FBLN2: variants seen among roughly 807,000 people sequenced by gnomAD.
The protein encoded by FBLN2 is fibulin-2.
In FBLN2, 81 loss-of-function variants were observed where a neutral mutation model predicts 123.7. The ratio of observed to expected loss-of-function variants is 0.65; its 90% confidence interval spans 0.55 to 0.79. FBLN2 has a LOEUF of 0.79. FBLN2 is among the 30% of genes least tolerant of loss of function. The pLI is 0.00. For synonymous variants in FBLN2, 699 were observed against 701.4 expected (o/e 1.00, Z 0.05); for missense variants, 1,603 against 1,681.3 (o/e 0.95, Z 0.81).
chr3:13,567,586 G>T (rs1000084640), intron 1 of FBLN2, among the ~76,000 whole-genome samples: 1 of 152,292 alleles, frequency 6.6e-6, no homozygotes, highest in African/African-American at 2.4e-5. Context: ...TCGAACTCCT[G>T]ACCTCAAGTG....
At chr3:13,563,862 G>C (rs996668165) in intron 1 of FBLN2, among the ~76,000 whole-genome samples, 4 of 152,166 alleles carry the variant, frequency 2.6e-5, no homozygotes, top group African/African-American at 9.7e-5. Context: ...CCCTGGGGCG[G>C]GGTGGTTGGA....
At position 13,576,720 on chromosome 3, in the gene FBLN2, T is replaced by TCCCC. The variant is rs111724365; in HGVS notation, c.1306+5067_1306+5070dup. On this transcript the variant is annotated intron_variant, in intron 2 of 17. Transcript: ENST00000404922. ...CTGAGAGAAGGGGTGGTCAGGGGGA[T>TCCCC]CCCCCCCCCCCGGGTTCACTCATTT... 1.9e-4 allele frequency among the ~76,000 whole-genome samples: 26 copies of TCCCC among 135,940 alleles called. 1 individual carries two copies. The highest frequency in any genetic ancestry group is 7.2e-4 in the African/African-American group (26 of 36,128). 89.2% of individuals were successfully genotyped at this position (135,940 alleles called of 152,430 possible).
chr3:13,551,259 G>A (rs1005997386), intron 1 of FBLN2, among the ~76,000 whole-genome samples: 5 of 152,192 alleles, frequency 3.3e-5, no homozygotes, highest in Admixed American at 2.6e-4. Context: ...GGCCTTAGTC[G>A]TTGAAGCAAT....
In FBLN2 at chr3:13,570,650, T is replaced by C. The variant is rs1246647699; in HGVS notation, c.295T>C (p.Ser99Pro). The C allele has an allele frequency of 6.3e-7, 1 of 1,584,184 alleles. No individual in the cohort carries two copies. Among genetic ancestry groups the C allele is most frequent in the African/African-American group, 1.3e-5 (1 of 74,366 alleles). ...TGTGGACTTCGGGAGCACTGAGTGC[T>C]CCTGCCCACCAGGCGGCGGCAAGAT... ...YFVDFGSTEC[S>P]CPPGGGKISC... Residue 99 changes from serine (S) to proline (P), a missense_variant, in exon 2 of 18, where the codon TCC becomes CCC. Ser to Pro is a moderately conservative substitution (Grantham distance 74). Transcript: ENST00000404922.
chr3:13,575,664 G>A (rs2124832236), intron 2 of FBLN2, among the ~76,000 whole-genome samples: 3 of 152,298 alleles, frequency 2.0e-5, no homozygotes, highest in Middle Eastern at 6.8e-3. Flanking sequence ...AGACCACAGA[G>A]AGGCCTCGGG....
chr3:13,579,163 T>A (rs1020860956), intron 2 of FBLN2, among the ~76,000 whole-genome samples: 1 of 152,232 alleles, frequency 6.6e-6, no homozygotes, highest in Non-Finnish European at 1.5e-5. Flanking sequence ...CCAGTTGTTA[T>A]AGCCATCCTA....
chr3:13,626,452 C>T lies in FBLN2; in HGVS notation c.2304C>T (p.Asn768=), dbSNP rs532612379. Residue 768 remains asparagine, a synonymous_variant, in exon 10 of 18, where the codon AAC becomes AAT. Coordinates refer to ENST00000404922, the MANE Select transcript of FBLN2 (RefSeq NM_001004019.2). ...GCCTCGCTCTCCCTGCAGACATCAACGAGTGTGTGACGGACCTGCACACGT... is the reference window on the plus strand; with the variant it reads ...GCCTCGCTCTCCCTGCAGACATCAATGAGTGTGTGACGGACCTGCACACGT... ...LNAHRKCVDI[N]ECVTDLHTCS... is the part of the protein sequence containing the mutation. 7.0e-6 allele frequency: 11 copies of T among 1,581,904 alleles called. No homozygotes were observed. The highest frequency in any genetic ancestry group is 5.8e-5 in the South Asian group (5 of 86,350).
rs942015622 is a variant in FBLN2 at position 13,614,044 on chromosome 3, T to A, written c.1609T>A (p.Ser537Thr). ...GCGGGCCGAGGGCCAGTCGTGTGAG[T>A]CCAATCCTAACCTGGGCTATCCCTG... ...RVRAEGQSCE[S>T]NPNLGYPCNH... is the part of the protein sequence containing the mutation. The change falls in exon 5 of 18, where the codon TCC becomes ACC. Residue 537 changes from serine (S) to threonine (T), a missense_variant. Coordinates refer to ENST00000404922, the MANE Select transcript of FBLN2 (RefSeq NM_001004019.2). 1.4e-5 allele frequency: 23 copies of A among 1,613,536 alleles called. No individual in the cohort carries two copies. The highest frequency in any genetic ancestry group is 1.8e-5 in the Non-Finnish European group (21 of 1,179,850).
At chr3:13,573,282 T>C (rs900965106) in intron 2 of FBLN2, among the ~76,000 whole-genome samples, 1 of 152,066 alleles carries the variant, frequency 6.6e-6, no homozygotes, top group African/African-American at 2.4e-5. Flanking sequence ...TTGCACGTGC[T>C]GTTTCCCCCG....
rs60850813 is a variant in FBLN2 at position 13,570,488 on chromosome 3, A to G, written c.133A>G (p.Ile45Val). The change falls in exon 2 of 18, where the codon ATT becomes GTT. Residue 45 changes from isoleucine to valine, a missense_variant. Physicochemically the swap from Ile to Val is conservative, Grantham distance 29 (BLOSUM62 3). Transcript: ENST00000404922. Reference protein sequence around the residue: ...GVECPPLENCIEEALEPGACC... With the variant: ...GVECPPLENCVEEALEPGACC... ...GGAGTGCCCGCCGCTGGAGAACTGC[A>G]TTGAGGAGGCGCTGGAGCCGGGTGC... The G allele has an allele frequency of 9.5e-4, 1,505 of 1,584,946 alleles. 9 individuals carry two copies. In the African/African-American group the frequency reaches 0.018, roughly 19 times the overall value.
intron 4 of FBLN2, 47 bp downstream of exon 4, chr3:13,609,689 C>CGGGGGGGGGGG: frequency 2.3e-6 from 1 of 428,812 alleles, no homozygotes. Flanking sequence ...TGGGGCGGGG[C>CGGGGGGGGGGG]GGGAGGCTGG....
intron 11 of FBLN2, among the ~76,000 whole-genome samples, chr3:13,628,409 T>C (rs1348936993): frequency 6.6e-6 from 1 of 152,154 alleles, no homozygotes; most frequent in East Asian, 1.9e-4. Context: ...CAGAGAATGC[T>C]AGTGAGACCT....
chr3:13,627,853 G>C lies in FBLN2; in HGVS notation c.2453G>C (p.Gly818Ala). 6.2e-7 allele frequency: 1 copy of C among 1,613,396 alleles called. No individual in the cohort carries two copies. Among genetic ancestry groups the C allele is most frequent in the South Asian group, 1.1e-5 (1 of 91,050 alleles). ...ECEDVDECAMGTHTCQPGFLC... is the reference protein window; with the variant it reads ...ECEDVDECAMATHTCQPGFLC... ...GCAGACGTGGATGAGTGTGCGATGG[G>C]CACGCACACCTGCCAGCCGGGCTTC... Residue 818 changes from glycine to alanine, a missense_variant, in exon 11 of 18, where the codon GGC (glycine) becomes GCC (alanine). Coordinates refer to ENST00000404922, the MANE Select transcript of FBLN2 (RefSeq NM_001004019.2).
At chr3:13,593,189 G>C (rs1704730776) in intron 2 of FBLN2, among the ~76,000 whole-genome samples, 1 of 152,240 alleles carries the variant, frequency 6.6e-6, no homozygotes, top group Admixed American at 6.5e-5. Flanking sequence ...TCACAGATAG[G>C]ATGGCAATAT....
At chr3:13,630,136 G>A (rs1706207015) in intron 14 of FBLN2, among the ~76,000 whole-genome samples, 191 bp downstream of exon 14, 2 of 152,174 alleles carry the variant, frequency 1.3e-5, no homozygotes, top group South Asian at 4.1e-4. Flanking sequence ...CCTTCCTTCT[G>A]TTGTTTTCTG....
intron 1 of FBLN2, among the ~76,000 whole-genome samples, chr3:13,567,009 A>G (rs1352308332): frequency 2.6e-5 from 4 of 152,256 alleles, no homozygotes; most frequent in Admixed American, 1.3e-4. Context: ...ATGCAGAGTC[A>G]GGCTTGGGCC....
At chr3:13,591,373 T>C (rs1704669290) in intron 2 of FBLN2, among the ~76,000 whole-genome samples, 1 of 152,266 alleles carries the variant, frequency 6.6e-6, no homozygotes, top group African/African-American at 2.4e-5. Flanking sequence ...AATGTTGTCA[T>C]CTGAGGAACA....
intron 2 of FBLN2, among the ~76,000 whole-genome samples, chr3:13,576,862 G>A (rs1044122786): frequency 1.3e-5 from 2 of 152,218 alleles, no homozygotes; most frequent in Non-Finnish European, 2.9e-5. Context: ...CTGACATTCT[G>A]TTGGGGAAGA....
intron 2 of FBLN2, among the ~76,000 whole-genome samples, chr3:13,596,244 C>T (rs894080040): frequency 1.3e-5 from 2 of 152,086 alleles, no homozygotes; most frequent in Non-Finnish European, 2.9e-5. Flanking sequence ...CTCAAGGCAT[C>T]CTCCTGCCTC....
Sources: gnomAD v4.1 joint callset for allele counts (sites outside exome capture counted in the v4.1 genomes callset) on GRCh38, gnomAD v4.1.1 for gene constraint, MANE v1.5 for transcripts, NCBI Gene and HGNC (gene_info 2026-07-23, HGNC 2026-07-21) for gene names.